The following LRRC69 variants were observed in gnomAD, a reference collection of about 807,000 sequenced individuals.
LRRC69 encodes leucine-rich repeat-containing protein 69.
LRRC69 carries 42 observed loss-of-function variants against 37.8 expected under a neutral mutation model. That is an observed-to-expected ratio of 1.11 (90% confidence interval 0.87 to 1.44). The LOEUF (loss-of-function observed/expected upper bound fraction) is 1.44. Ranked by LOEUF, LRRC69 falls within the 40% of genes most tolerant of loss-of-function variation. The pLI, the probability that LRRC69 is intolerant of heterozygous loss-of-function variation, is 0.00. For missense variants in LRRC69, 357 were observed against 401.9 expected, an observed-to-expected ratio of 0.89 and a Z score of 0.96; for synonymous variants, 141 against 143.1, an observed-to-expected ratio of 0.99 and a Z score of 0.11.
intron 1 of LRRC69, among the ~76,000 whole-genome samples, chr8:91,105,659 C>CAAA (rs11407238): frequency 6.3e-5 from 7 of 110,476 alleles, no homozygotes; most frequent in East Asian, 2.7e-4. Flanking sequence ...GATTCTGTCT[C>CAAA]AAAAAAAAAA....
chr8:91,176,790 C>G (rs1409345465), intron 5 of LRRC69, among the ~76,000 whole-genome samples: 1 of 152,088 alleles, frequency 6.6e-6, no homozygotes, highest in Non-Finnish European at 1.5e-5. Context: ...GGATAATGCC[C>G]AGTCACAATG....
chr8:91,147,154 C>G (rs1176538151), intron 5 of LRRC69, among the ~76,000 whole-genome samples: 1 of 150,522 alleles, frequency 6.6e-6, no homozygotes, highest in African/African-American at 2.4e-5. Flanking sequence ...TCCCTGGGCC[C>G]CATGCTCATA....
In LRRC69 at chr8:91,133,308, A is replaced by G. The variant is rs1267829837; in HGVS notation, c.579+3A>G. 2.7e-6 allele frequency: 4 copies of G among 1,500,128 alleles called. No homozygotes were observed. Among genetic ancestry groups the G allele is most frequent in the Non-Finnish European group, 3.5e-6 (4 of 1,131,388 alleles). The allele number at this position is 1,500,128 out of a possible 1,614,324, so 92.9% of individuals were successfully genotyped here. A position where few individuals can be genotyped will look rare whatever the true frequency, so the allele number is the denominator to read the frequency against. On this transcript the variant is annotated splice_donor_region_variant and intron_variant, in intron 4 of 7. Transcript: ENST00000448384. ...ACAACATTGGAGTTTTGCCGGAGGT[A>G]AGCAAAACATGGAACCACAGTAGTT...
intron 1 of LRRC69, among the ~76,000 whole-genome samples, chr8:91,108,148 C>CT (rs1459229074): frequency 5.9e-5 from 9 of 152,134 alleles, no homozygotes; most frequent in African/African-American, 1.7e-4. Flanking sequence ...TCTGCCATAG[C>CT]TTTTTATTTG....
chr8:91,135,865 A>G lies in LRRC69; in HGVS notation c.651+126A>G, dbSNP rs1430483585. 5 of 485,214 alleles carry G rather than the reference A, an allele frequency of 1.0e-5. No homozygotes were observed. The East Asian group carries it at 1.1e-4, about 11-fold the overall frequency. The allele number at this position is 485,214 out of a possible 1,614,324, so 30.1% of individuals were successfully genotyped here. ...ACCTTAAATTATACAAATGACTCAA[A>G]GATTTGCTTTTAGAATTTCAAAACC... is the stretch of plus-strand genomic sequence containing the variant. On this transcript the variant is annotated intron_variant, in intron 5 of 7. Transcript: ENST00000448384.
intron 5 of LRRC69, among the ~76,000 whole-genome samples, chr8:91,177,074 G>T (rs892759366): frequency 2.6e-5 from 4 of 152,120 alleles, no homozygotes; most frequent in African/African-American, 9.7e-5. Context: ...GGAGGAATCA[G>T]ATCTGAATTA....
chr8:91,155,069 A>G (rs1475896473), intron 5 of LRRC69, among the ~76,000 whole-genome samples: 2 of 151,510 alleles, frequency 1.3e-5, no homozygotes, highest in African/African-American at 2.4e-5. Flanking sequence ...AAGCATTCCT[A>G]TACACCAACA....
At chr8:91,114,424 A>G (rs866059325) in intron 1 of LRRC69, among the ~76,000 whole-genome samples, 17 of 146,518 alleles carry the variant, frequency 1.2e-4, no homozygotes, top group Middle Eastern at 7.0e-3. Context: ...GGACAAATGA[A>G]TAAAGAAAAT....
intron 4 of LRRC69, among the ~76,000 whole-genome samples, chr8:91,134,606 A>T (rs1233698031): frequency 1.3e-5 from 2 of 151,974 alleles, no homozygotes; most frequent in African/African-American, 2.4e-5. Flanking sequence ...CCTCACACAG[A>T]CACACCCAAA....
In LRRC69 at chr8:91,158,962, C is replaced by T. The variant is rs371150520; in HGVS notation, c.651+23223C>T. On this transcript the variant is annotated intron_variant, in intron 5 of 7. Transcript: ENST00000448384. ...AGACTATATAATGATACATGACTGA[C>T]ACTTGTACACTAGGTAATAAAATTG... Among the ~76,000 whole-genome samples the T allele has an allele frequency of 6.0e-5, 9 of 151,228 alleles. No homozygotes were observed. The South Asian group carries it at 1.0e-3, about 17-fold the overall frequency.
chr8:91,207,055 TA>T (rs1809817710), intron 7 of LRRC69, among the ~76,000 whole-genome samples: 1 of 152,210 alleles, frequency 6.6e-6, no homozygotes, highest in Admixed American at 6.5e-5. Context: ...GAAACTTATT[TA>T]TTTTTTTCTA....
intron 5 of LRRC69, chr8:91,158,483 G>A (rs1317809822): frequency 9.4e-6 from 11 of 1,167,196 alleles, no homozygotes; most frequent in Non-Finnish European, 1.4e-5. Flanking sequence ...AAACCCACAA[G>A]GCCTCACAAT....
chr8:91,207,564 A>G (rs1757547024), intron 7 of LRRC69, among the ~76,000 whole-genome samples: 1 of 152,238 alleles, frequency 6.6e-6, no homozygotes, highest in Admixed American at 6.5e-5. Context: ...TGGCGAATCC[A>G]TAATAAATGT....
intron 1 of LRRC69, among the ~76,000 whole-genome samples, chr8:91,114,743 T>C (rs998415350): frequency 6.6e-6 from 1 of 152,030 alleles, no homozygotes; most frequent in Non-Finnish European, 1.5e-5. Context: ...GCTTATACCA[T>C]CTAGGTTAGT....
At chr8:91,189,415 T>G (rs1809456083) in intron 5 of LRRC69, 107 bp from the exon 6 acceptor site, 1 of 769,310 alleles carries the variant, frequency 1.3e-6, no homozygotes, top group African/African-American at 1.8e-5. Flanking sequence ...TACTGTGGAT[T>G]TTTAGTCCTA....
intron 7 of LRRC69, chr8:91,206,960 A>G (rs970362886): frequency 1.8e-5 from 12 of 668,720 alleles, no homozygotes; most frequent in Non-Finnish European, 2.3e-5. Flanking sequence ...ATGCTTTTCC[A>G]ACCTAGTTAT....
At chr8:91,200,765 A>G (rs551535671) in exon 7 of LRRC69, 280 of 1,532,390 alleles carry the variant, frequency 1.8e-4, no homozygotes, top group Non-Finnish European at 2.4e-4. Context: ...TATGGCTGGA[A>G]TGTGTTCGAT....
chr8:91,119,022 A>T (rs1813569256), intron 1 of LRRC69, among the ~76,000 whole-genome samples: 2 of 152,090 alleles, frequency 1.3e-5, no homozygotes, highest in South Asian at 4.1e-4. Flanking sequence ...CTAACTACTA[A>T]CACACTATTC....
At chr8:91,206,708 A>G in intron 7 of LRRC69, 1 of 1,289,716 alleles carries the variant, frequency 7.8e-7, no homozygotes, top group South Asian at 1.2e-5. Context: ...ACAACCTAAT[A>G]CAAGCAACAA....
Sources: gnomAD v4.1 joint callset for allele counts (sites outside exome capture counted in the v4.1 genomes callset) on GRCh38, gnomAD v4.1.1 for gene constraint, MANE v1.5 for transcripts, NCBI Gene and HGNC (gene_info 2026-07-23, HGNC 2026-07-21) for gene names.